Variants in AGBL1 observed in about 807,000 individuals in gnomAD.
AGBL1 encodes AGBL carboxypeptidase 1.
Under a neutral mutation model 118.9 loss-of-function variants are expected in AGBL1, and 130 were observed. The ratio of observed to expected loss-of-function variants is 1.09; its 90% CI spans 0.95 to 1.26. AGBL1 has a LOEUF of 1.26. Among genes scored for constraint, AGBL1 ranks in the 50% most tolerant of loss-of-function variants. The probability of loss-of-function intolerance (pLI) is 0.00; values close to 1 mark genes in which losing one functional copy is unlikely to be tolerated. For missense variants in AGBL1, 1,584 were observed against 1,298.1 expected, an observed-to-expected ratio of 1.22 and a Z score of -3.38; for synonymous variants, 555 against 478.9, an observed-to-expected ratio of 1.16 and a Z score of -2.08.
intron 22 of AGBL1, among the ~76,000 whole-genome samples, chr15:86,866,278 T>C (rs1169712571): frequency 1.3e-5 from 2 of 152,216 alleles, no homozygotes; most frequent in Admixed American, 6.5e-5. Flanking sequence ...TCATTGCCTA[T>C]ATACCATTTC....
chr15:86,621,190 T>C (rs1376500007), intron 21 of AGBL1, among the ~76,000 whole-genome samples: 3 of 152,324 alleles, frequency 2.0e-5, no homozygotes, highest in African/African-American at 7.2e-5. Context: ...TCTTCCTTAA[T>C]TGTTATAATA....
chr15:86,816,976 T>C (rs1407034916), intron 22 of AGBL1, among the ~76,000 whole-genome samples: 2 of 152,078 alleles, frequency 1.3e-5, no homozygotes, highest in African/African-American at 4.8e-5. Flanking sequence ...CAAGATTCCA[T>C]AAACAGGGAG....
intron 22 of AGBL1, among the ~76,000 whole-genome samples, chr15:86,760,862 A>G (rs2078013050): frequency 6.6e-6 from 1 of 152,068 alleles, no homozygotes; most frequent in Non-Finnish European, 1.5e-5. Context: ...AAAAGCCACA[A>G]CTTAAGTTTC....
intron 15 of AGBL1, among the ~76,000 whole-genome samples, chr15:86,277,285 A>G (rs1353850151): frequency 9.2e-6 from 1 of 109,114 alleles, no homozygotes; most frequent in Non-Finnish European, 1.9e-5. Flanking sequence ...GGAGAGAGAG[A>G]GAGAGTGTGT....
chr15:86,129,930 C>T (rs906573032), intron 1 of AGBL1, among the ~76,000 whole-genome samples: 1 of 152,102 alleles, frequency 6.6e-6, no homozygotes, highest in Non-Finnish European at 1.5e-5. Flanking sequence ...GATACCTTTA[C>T]ACCCCAGAGA....
chr15:86,190,672 C>A (rs556254335), intron 5 of AGBL1, among the ~76,000 whole-genome samples: 34 of 152,216 alleles, frequency 2.2e-4, no homozygotes, highest in African/African-American at 7.9e-4. Context: ...ACATAACTTA[C>A]AATACCCTTA....
intron 5 of AGBL1, among the ~76,000 whole-genome samples, chr15:86,167,769 C>A (rs188523762): frequency 1.6e-4 from 24 of 152,224 alleles, no homozygotes; most frequent in Admixed American, 1.5e-3. Flanking sequence ...AAATGTGTAG[C>A]CATGGAAAGC....
At chr15:86,743,765 T>C (rs903949738) in intron 22 of AGBL1, among the ~76,000 whole-genome samples, 1 of 152,086 alleles carries the variant, frequency 6.6e-6, no homozygotes, top group African/African-American at 2.4e-5. Context: ...TATAGCAATA[T>C]TGGAAAGGTT....
intron 6 of AGBL1, among the ~76,000 whole-genome samples, chr15:86,237,733 G>T (rs35177778): frequency 6.6e-6 from 1 of 152,132 alleles, no homozygotes; most frequent in African/African-American, 2.4e-5. Flanking sequence ...TTATTCTGAA[G>T]GGTCTTCTTG....
At chr15:86,115,423 G>GA (rs1233776680) in intron 1 of AGBL1, among the ~76,000 whole-genome samples, 3 of 151,794 alleles carry the variant, frequency 2.0e-5, no homozygotes, top group Admixed American at 2.0e-4. Context: ...TTTTTCTTAA[G>GA]AAAAAAAATT....
Position 86,156,559 on chromosome 15 carries a change from T to C in AGBL1, c.394+1998T>C, listed in dbSNP as rs571790072. ...TGGACACAACTAGCCATAATGGAGC[T>C]CATAGACTTGGTAGATGGGGTGAAT... On this transcript the variant is annotated intron_variant, in intron 4 of 22. Coordinates refer to ENST00000614907, the MANE Select transcript of AGBL1 (RefSeq NM_001386094.1). 2.6e-5 allele frequency among the ~76,000 whole-genome samples: 4 copies of C among 152,256 alleles called. No homozygotes were observed. The East Asian group carries it at 5.8e-4, about 22-fold the overall frequency.
chr15:86,093,209 C>T (rs1567048923), intron 1 of AGBL1, among the ~76,000 whole-genome samples: 1 of 152,116 alleles, frequency 6.6e-6, no homozygotes, highest in Non-Finnish European at 1.5e-5. Flanking sequence ...CACATAGAGC[C>T]ATTCTTCAAC....
At chr15:86,808,537 A>G (rs2078747203) in intron 22 of AGBL1, among the ~76,000 whole-genome samples, 2 of 151,964 alleles carry the variant, frequency 1.3e-5, no homozygotes, top group Non-Finnish European at 2.9e-5. Flanking sequence ...TCAGTTTTAT[A>G]AATTTTCTCT....
chr15:86,229,847 A>G (rs2078427013), intron 6 of AGBL1, among the ~76,000 whole-genome samples: 1 of 152,354 alleles, frequency 6.6e-6, no homozygotes. Flanking sequence ...GTCCAGATTT[A>G]AAGGTCATAT....
At chr15:86,728,443 G>A (rs552631214) in intron 22 of AGBL1, among the ~76,000 whole-genome samples, 4 of 152,202 alleles carry the variant, frequency 2.6e-5, no homozygotes, top group East Asian at 1.9e-4. Context: ...AGGGTAGAAC[G>A]AGGCATTCCA....
intron 23 of AGBL1, among the ~76,000 whole-genome samples, chr15:86,943,958 A>G (rs941443213): frequency 2.6e-5 from 4 of 152,194 alleles, no homozygotes; most frequent in African/African-American, 7.2e-5. Context: ...TAGCTGGCAC[A>G]TGGAGTACTT....
chr15:86,122,731 C>G (rs1376020947), intron 1 of AGBL1, among the ~76,000 whole-genome samples: 1 of 152,216 alleles, frequency 6.6e-6, no homozygotes, highest in African/African-American at 2.4e-5. Flanking sequence ...AGCCCCTTAA[C>G]CAACTGAGTG....
At chr15:86,160,751 A>G (rs1025028359) in intron 5 of AGBL1, among the ~76,000 whole-genome samples, 20 of 152,160 alleles carry the variant, frequency 1.3e-4, no homozygotes, top group African/African-American at 4.8e-4. Context: ...AATCTTTGTG[A>G]TATTTGCTGG....
chr15:86,781,168 C>A (rs1044120785), intron 22 of AGBL1, among the ~76,000 whole-genome samples: 1 of 151,598 alleles, frequency 6.6e-6, no homozygotes, highest in African/African-American at 2.4e-5. Flanking sequence ...TTCAAGTTCT[C>A]TCTGTCATTA....
Sources: gnomAD v4.1 joint callset for allele counts (sites outside exome capture counted in the v4.1 genomes callset) on GRCh38, gnomAD v4.1.1 for gene constraint, MANE v1.5 for transcripts, NCBI Gene and HGNC (gene_info 2026-07-23, HGNC 2026-07-21) for gene names.